RANBP2: variants seen among roughly 807,000 people sequenced by gnomAD.
RANBP2 encodes RAN binding protein 2, also known as E3 SUMO-protein ligase RanBP2.
Under a neutral mutation model 303.6 loss-of-function variants are expected in RANBP2, and 57 were observed. The observed-to-expected ratio is 0.19, with a 90% CI of 0.15 to 0.23. The LOEUF is 0.23. Among genes scored for constraint, RANBP2 ranks in the 10% least tolerant of loss-of-function variants. The probability of loss-of-function intolerance (pLI) is 1.00; values close to 1 mark genes in which losing one functional copy is unlikely to be tolerated. For missense variants in RANBP2, 3,138 were observed against 3,780.8 expected, an observed-to-expected ratio of 0.83 and a Z score of 4.46; for synonymous variants, 1,167 against 1,301.5, an observed-to-expected ratio of 0.90 and a Z score of 2.23.
the RANBP2 span, among the ~76,000 whole-genome samples, chr2:108,913,733 G>A: frequency 1.3e-5 from 2 of 151,970 alleles, no homozygotes; most frequent in Admixed American, 6.6e-5. Context: ...GGCGGATCAC[G>A]AGGTCAGGAG....
chr2:109,403,503 C>G, the RANBP2 span, among the ~76,000 whole-genome samples: 3 of 152,254 alleles, frequency 2.0e-5, no homozygotes, highest in South Asian at 6.2e-4. Flanking sequence ...GGGCCCCACT[C>G]TTGTCAGGAC....
chr2:109,742,471 A>G, the RANBP2 span, among the ~76,000 whole-genome samples: 1 of 148,526 alleles, frequency 6.7e-6, no homozygotes, highest in Non-Finnish European at 1.5e-5. Context: ...CAAACTATAT[A>G]TGTATGAATG....
the RANBP2 span, among the ~76,000 whole-genome samples, chr2:109,625,905 G>A: frequency 1.3e-5 from 2 of 152,148 alleles, no homozygotes; most frequent in Non-Finnish European, 2.9e-5. Context: ...GGTTACCTCC[G>A]GGAGAAGGGG....
chr2:108,809,201 C>A, the RANBP2 span, among the ~76,000 whole-genome samples: 13 of 152,114 alleles, frequency 8.5e-5, no homozygotes, highest in African/African-American at 2.9e-4. Context: ...CAATACTATG[C>A]TGTTCTGGTT....
chr2:109,191,036 C>T, the RANBP2 span, among the ~76,000 whole-genome samples: 1 of 152,042 alleles, frequency 6.6e-6, no homozygotes, highest in African/African-American at 2.4e-5. Context: ...ATATTTCAGG[C>T]TTCTTGGGCC....
the RANBP2 span, among the ~76,000 whole-genome samples, chr2:109,065,268 A>G: frequency 6.6e-6 from 1 of 152,206 alleles, no homozygotes; most frequent in Non-Finnish European, 1.5e-5. Flanking sequence ...AGATTTCCAC[A>G]AATGCTGTAT....
At chr2:109,563,585 T>C in the RANBP2 span, among the ~76,000 whole-genome samples, 4 of 152,230 alleles carry the variant, frequency 2.6e-5, no homozygotes. Context: ...AAGTCTGGGA[T>C]ACAGCACCAT....
At chr2:109,441,419 G>A in the RANBP2 span, among the ~76,000 whole-genome samples, 1 of 152,100 alleles carries the variant, frequency 6.6e-6, no homozygotes, top group East Asian at 1.9e-4. Context: ...TATACTAGAT[G>A]GAATTAATGG....
the RANBP2 span, among the ~76,000 whole-genome samples, chr2:109,684,241 C>T: frequency 2.0e-4 from 3 of 15,198 alleles, no homozygotes; most frequent in East Asian, 5.3e-3. Flanking sequence ...CACACCCGGT[C>T]TTACTTTTTT....
chr2:109,313,314 C>T, the RANBP2 span, among the ~76,000 whole-genome samples: 47,507 of 152,178 alleles, frequency 0.31, 9,199 homozygotes, highest in African/African-American at 0.55. Flanking sequence ...AGGGGGGAGG[C>T]TGGCATCTGT....
rs376733981 is a variant in RANBP2 at position 108,749,046 on chromosome 2, A to G, written c.1190A>G (p.Asp397Gly). 38 of 1,611,858 alleles carry G rather than the reference A, an allele frequency of 2.4e-5. No homozygotes were observed. The highest frequency in any genetic ancestry group is 3.1e-5 in the Non-Finnish European group (37 of 1,179,870). Residue 397 changes from aspartate (D) to glycine (G), a missense_variant, in exon 9 of 29, where the codon GAT becomes GGT. Asp to Gly is a moderately conservative substitution (Grantham distance 94). This residue lies in a region of RANBP2 where 95 missense variants were observed against 86.4 expected (regional missense o/e 1.10). Coordinates refer to ENST00000283195, the MANE Select transcript of RANBP2 (RefSeq NM_006267.5). ...CTGTTTTCTAGTCAGTCACCTAAGGATACATCTTTTCTTGGTAGCGATGAT... is the reference window on the plus strand; with the variant it reads ...CTGTTTTCTAGTCAGTCACCTAAGGGTACATCTTTTCTTGGTAGCGATGAT... ...DALFSSQSPK[D>G]TSFLGSDDIG...
At chr2:109,511,770 C>A in the RANBP2 span, among the ~76,000 whole-genome samples, 1 of 152,222 alleles carries the variant, frequency 6.6e-6, no homozygotes, top group Non-Finnish European at 1.5e-5. Context: ...TCCACACCCT[C>A]CCTGCATTTT....
At chr2:109,567,266 A>G in the RANBP2 span, among the ~76,000 whole-genome samples, 1 of 152,232 alleles carries the variant, frequency 6.6e-6, no homozygotes. Flanking sequence ...GTCAGATTTC[A>G]AAACCCATGA....
chr2:108,892,510 AC>A, the RANBP2 span, among the ~76,000 whole-genome samples: 1 of 152,138 alleles, frequency 6.6e-6, no homozygotes, highest in Non-Finnish European at 1.5e-5. Context: ...GGGCCCCAGG[AC>A]AGCATGCAAT....
chr2:109,334,597 G>A, the RANBP2 span, among the ~76,000 whole-genome samples: 4 of 152,312 alleles, frequency 2.6e-5, no homozygotes, highest in Non-Finnish European at 5.9e-5. Context: ...GGCAGCCACA[G>A]TGTCCACTGC....
chr2:108,755,062 T>A lies in RANBP2; in HGVS notation c.2360T>A (p.Leu787Gln). 13 of 1,611,974 alleles carry A rather than the reference T, an allele frequency of 8.1e-6. No homozygotes were observed. The highest frequency in any genetic ancestry group is 1.1e-5 in the Non-Finnish European group (13 of 1,179,838). The change falls in exon 16 of 29, where the codon CTA (leucine) becomes CAA (glutamine). Residue 787 changes from leucine (L) to glutamine (Q), a missense_variant. This residue lies in a region of RANBP2 where 194 missense variants were observed against 197.4 expected (regional missense o/e 0.98). Transcript: ENST00000283195. ...HSTPSPTRYS[L>Q]SPSKSYKYSP... ...ACACCGTCTCCTACCAGATATTCAC[T>A]ATCACCAAGTAAAAGTTACAAGGTA...
At chr2:109,501,480 C>T in the RANBP2 span, 1 of 770,630 alleles carries the variant, frequency 1.3e-6, no homozygotes, top group Non-Finnish European at 2.4e-6. Context: ...GTGTGGGGCT[C>T]ACCCACTGTG....
the RANBP2 span, among the ~76,000 whole-genome samples, chr2:109,202,169 G>A: frequency 6.6e-6 from 1 of 152,104 alleles, no homozygotes; most frequent in East Asian, 1.9e-4. Context: ...GATGAACACG[G>A]GGAAGAAAAC....
At chr2:109,160,324 G>A in the RANBP2 span, among the ~76,000 whole-genome samples, 2 of 152,238 alleles carry the variant, frequency 1.3e-5, no homozygotes, top group Non-Finnish European at 2.9e-5. Flanking sequence ...TTCTTGGGGT[G>A]CAGCCCATGC....
Sources: gnomAD v4.1 joint callset for allele counts (sites outside exome capture counted in the v4.1 genomes callset) on GRCh38, gnomAD v4.1.1 for gene constraint, gnomAD v4.1.1 regional missense constraint, MANE v1.5 for transcripts, NCBI Gene and HGNC (gene_info 2026-07-23, HGNC 2026-07-21) for gene names.